EPS15: variants seen among roughly 807,000 people sequenced by gnomAD.
EPS15 encodes epidermal growth factor receptor pathway substrate 15.
In EPS15, 72 loss-of-function variants were observed where a neutral mutation model predicts 113.8. That is an observed-to-expected ratio of 0.63 (90% CI 0.52 to 0.77). EPS15 has a LOEUF of 0.77. EPS15 is among the 30% of genes least tolerant of loss of function. The pLI is 0.00. For missense variants in EPS15, 1,048 were observed against 1,045.8 expected (o/e 1.00, Z -0.03); for synonymous variants, 344 against 363.4 (o/e 0.95, Z 0.61).
At chr1:51,459,933 C>A (rs1168527486) in intron 8 of EPS15, among the ~76,000 whole-genome samples, 1 of 151,468 alleles carries the variant, frequency 6.6e-6, no homozygotes, top group Non-Finnish European at 1.5e-5. Context: ...ATACTCATCT[C>A]CGAGAAATTT....
At chr1:51,376,868 T>G (rs1646812687) in intron 21 of EPS15, among the ~76,000 whole-genome samples, 1 of 152,210 alleles carries the variant, frequency 6.6e-6, no homozygotes, top group African/African-American at 2.4e-5. Flanking sequence ...AAATACACTT[T>G]ATAAGGCTAT....
chr1:51,402,679 C>T (rs1054627460), intron 17 of EPS15, among the ~76,000 whole-genome samples, 154 bp from the exon 18 acceptor site: 1 of 152,196 alleles, frequency 6.6e-6, no homozygotes, highest in African/African-American at 2.4e-5. Context: ...AATCCCAGCA[C>T]TTTGGGAGGC....
chr1:51,503,928 C>T (rs1644454686), intron 1 of EPS15, among the ~76,000 whole-genome samples: 1 of 152,078 alleles, frequency 6.6e-6, no homozygotes, highest in African/African-American at 2.4e-5. Flanking sequence ...ACCTTTACCT[C>T]ACACCATATA....
intron 13 of EPS15, among the ~76,000 whole-genome samples, chr1:51,414,795 G>A (rs1481582295): frequency 6.6e-6 from 1 of 152,144 alleles, no homozygotes; most frequent in Non-Finnish European, 1.5e-5. Context: ...ATAAGAAAAT[G>A]TCTAGGACAT....
At chr1:51,380,798 T>C (rs540790352) in intron 21 of EPS15, among the ~76,000 whole-genome samples, 44 of 152,182 alleles carry the variant, frequency 2.9e-4, no homozygotes, top group Admixed American at 5.2e-4. Context: ...ATAAGAGAGA[T>C]TCACTTTAGA....
At chr1:51,367,995 G>A (rs902781422) in intron 21 of EPS15, among the ~76,000 whole-genome samples, 13 of 152,262 alleles carry the variant, frequency 8.5e-5, no homozygotes, top group African/African-American at 3.1e-4. Flanking sequence ...AGACGGGCAT[G>A]GTGGCACACG....
At chr1:51,434,860 C>T (rs1652015042) in intron 12 of EPS15, among the ~76,000 whole-genome samples, 2 of 151,952 alleles carry the variant, frequency 1.3e-5, no homozygotes, top group South Asian at 2.1e-4. Flanking sequence ...TTAGTAGAGA[C>T]GGAGTTTCAT....
intron 8 of EPS15, among the ~76,000 whole-genome samples, chr1:51,454,778 GT>G (rs1252269884): frequency 5.3e-5 from 8 of 152,312 alleles, no homozygotes; most frequent in African/African-American, 1.9e-4. Flanking sequence ...AAAGTCTGGA[GT>G]TAATAATGCA....
rs762405761 is a variant in EPS15 at position 51,465,293 on chromosome 1, T to C, written c.343A>G (p.Thr115Ala). 4 of 1,610,670 alleles carry C rather than the reference T, an allele frequency of 2.5e-6. No individual in the cohort carries two copies. In the African/African-American group the frequency reaches 5.3e-5, roughly 22 times the overall value. Residue 115 changes from threonine (T) to alanine (A), a missense_variant, in exon 6 of 25, where the codon ACC becomes GCC. Physicochemically the swap from Thr to Ala is moderately conservative, Grantham distance 58. Coordinates refer to ENST00000371733, the MANE Select transcript of EPS15 (RefSeq NM_001981.3). ...DTSSPLLISGTSAAELPWAVK... is the reference protein window; with the variant it reads ...DTSSPLLISGASAAELPWAVK... ...GCCCATGGGAGCTCAGCTGCAGAGGTTCCACTGATTAGCAAAGGACTACTG... is the reference window on the plus strand; with the variant it reads ...GCCCATGGGAGCTCAGCTGCAGAGGCTCCACTGATTAGCAAAGGACTACTG...
chr1:51,442,175 A>T (rs552026869), intron 11 of EPS15, among the ~76,000 whole-genome samples: 13 of 152,176 alleles, frequency 8.5e-5, no homozygotes, highest in Non-Finnish European at 1.8e-4. Context: ...TGTGACAATT[A>T]TTCACTAGTA....
chr1:51,389,854 T>A (rs1647210158), intron 21 of EPS15, among the ~76,000 whole-genome samples: 1 of 152,204 alleles, frequency 6.6e-6, no homozygotes, highest in South Asian at 2.1e-4. Context: ...TGTTCATGGG[T>A]AGGAAGAATC....
chr1:51,469,378 G>C (rs1655084152), intron 4 of EPS15, among the ~76,000 whole-genome samples: 1 of 152,110 alleles, frequency 6.6e-6, no homozygotes, highest in Non-Finnish European at 1.5e-5. Flanking sequence ...AAAAAATTAT[G>C]TAACGGTTTA....
chr1:51,430,594 C>T (rs556420541), intron 12 of EPS15, among the ~76,000 whole-genome samples: 2 of 151,132 alleles, frequency 1.3e-5, no homozygotes, highest in African/African-American at 2.4e-5. Context: ...ATCAAGAATT[C>T]GTAGTTCACA....
chr1:51,492,443 T>C (rs1644251517), intron 1 of EPS15, among the ~76,000 whole-genome samples: 1 of 152,138 alleles, frequency 6.6e-6, no homozygotes, highest in Admixed American at 6.5e-5. Context: ...ATTCACTTCT[T>C]TCAAAAATGA....
At chr1:51,504,428 AT>A (rs1303302337) in intron 1 of EPS15, among the ~76,000 whole-genome samples, 8 of 152,180 alleles carry the variant, frequency 5.3e-5, no homozygotes, top group Non-Finnish European at 7.3e-5. Context: ...ATAAATTAAA[AT>A]TAAATTAAAA....
intron 1 of EPS15, among the ~76,000 whole-genome samples, chr1:51,489,917 T>A (rs1227522830): frequency 6.6e-6 from 1 of 152,206 alleles, no homozygotes; most frequent in Non-Finnish European, 1.5e-5. Flanking sequence ...AGCAGAACCA[T>A]AGCTGATTCC....
chr1:51,501,029 G>A (rs1025820592), intron 1 of EPS15, among the ~76,000 whole-genome samples: 6 of 151,884 alleles, frequency 4.0e-5, no homozygotes, highest in African/African-American at 1.5e-4. Context: ...TCTCTGGGGT[G>A]TTTCCTCATA....
chr1:51,412,058 G>T (rs1260828631), intron 13 of EPS15, among the ~76,000 whole-genome samples: 1 of 152,148 alleles, frequency 6.6e-6, no homozygotes, highest in African/African-American at 2.4e-5. Flanking sequence ...TCCTTTGCAG[G>T]GACATGGATG....
intron 21 of EPS15, among the ~76,000 whole-genome samples, chr1:51,380,699 G>C (rs1410276612): frequency 2.0e-5 from 3 of 152,014 alleles, no homozygotes; most frequent in Admixed American, 6.6e-5. Context: ...TTCCCTATCA[G>C]TAATTACTTT....
Sources: gnomAD v4.1 joint callset for allele counts (sites outside exome capture counted in the v4.1 genomes callset) on GRCh38, gnomAD v4.1.1 for gene constraint, MANE v1.5 for transcripts, NCBI Gene and HGNC (gene_info 2026-07-23, HGNC 2026-07-21) for gene names.